Variants in PLEKHA5 observed in about 807,000 individuals in gnomAD.
PLEKHA5 encodes pleckstrin homology domain-containing family A member 5.
A neutral mutation model predicts 181.9 loss-of-function variants in PLEKHA5; 55 were observed. That is an observed-to-expected ratio of 0.30 (90% confidence interval 0.24 to 0.38). The LOEUF is 0.38. Ranked by LOEUF, PLEKHA5 falls within the 10% of genes least tolerant of loss-of-function variation. The probability of loss-of-function intolerance (pLI) is 1.00; values close to 1 mark genes in which losing one functional copy is unlikely to be tolerated. For synonymous variants in PLEKHA5, 535 were observed against 529.4 expected (o/e 1.01, Z -0.15); for missense variants, 1,432 against 1,549.5 (o/e 0.92, Z 1.27).
At chr12:19,217,947 AAT>A (rs1335313648) in intron 3 of PLEKHA5, among the ~76,000 whole-genome samples, 4 of 152,216 alleles carry the variant, frequency 2.6e-5, no homozygotes, top group Admixed American at 6.5e-5. Flanking sequence ...ATCATCCCAA[AAT>A]ACAGTGTTTA....
chr12:19,348,124 A>G (rs1212319196), intron 24 of PLEKHA5, among the ~76,000 whole-genome samples: 1 of 152,018 alleles, frequency 6.6e-6, no homozygotes, highest in Non-Finnish European at 1.5e-5. Flanking sequence ...CTCAGGTGAT[A>G]CACCCACCTT....
intron 3 of PLEKHA5, among the ~76,000 whole-genome samples, chr12:19,251,659 G>A (rs756273689): frequency 2.1e-5 from 3 of 139,632 alleles, no homozygotes; most frequent in Non-Finnish European, 3.0e-5. Context: ...TTCCTTTAAC[G>A]TACAAATCAT....
intron 3 of PLEKHA5, among the ~76,000 whole-genome samples, chr12:19,190,027 G>A (rs980424807): frequency 1.3e-5 from 2 of 151,966 alleles, no homozygotes; most frequent in Non-Finnish European, 2.9e-5. Context: ...TGCTTACAAC[G>A]TGCGCTTCTT....
chr12:19,258,754 C>T (rs1035213759), intron 6 of PLEKHA5, among the ~76,000 whole-genome samples: 28 of 151,816 alleles, frequency 1.8e-4, no homozygotes, highest in African/African-American at 6.0e-4. Flanking sequence ...TTAGTAGAGA[C>T]GGGTTTTCAC....
chr12:19,288,427 CTT>C (rs575383715), intron 13 of PLEKHA5, among the ~76,000 whole-genome samples: 16 of 152,298 alleles, frequency 1.1e-4, no homozygotes, highest in Middle Eastern at 3.4e-3. Flanking sequence ...GAAAAGATGA[CTT>C]TTCCTCACTT....
At chr12:19,368,845 A>AG (rs2095503156) in intron 30 of PLEKHA5, among the ~76,000 whole-genome samples, 1 of 152,098 alleles carries the variant, frequency 6.6e-6, no homozygotes, top group African/African-American at 2.4e-5. Flanking sequence ...TTAAAAAAAA[A>AG]ATTGTCACTG....
intron 5 of PLEKHA5, among the ~76,000 whole-genome samples, chr12:19,255,896 A>G (rs2066752274): frequency 6.6e-6 from 1 of 151,252 alleles, no homozygotes; most frequent in Admixed American, 6.6e-5. Context: ...AAAAAAAAAA[A>G]AAAGAAAAGC....
At chr12:19,187,669 G>C (rs2050167826) in intron 3 of PLEKHA5, among the ~76,000 whole-genome samples, 1 of 152,084 alleles carries the variant, frequency 6.6e-6, no homozygotes. Context: ...AGTGTGGAAG[G>C]GGACCAGAAT....
At chr12:19,242,593 G>A (rs1433488982) in intron 3 of PLEKHA5, among the ~76,000 whole-genome samples, 1 of 152,140 alleles carries the variant, frequency 6.6e-6, no homozygotes, top group Non-Finnish European at 1.5e-5. Context: ...GAGCTTTTAA[G>A]AAAGATAACT....
In PLEKHA5 at chr12:19,269,838, G is replaced by T; in HGVS notation, c.780G>T (p.Met260Ile). The T allele has an allele frequency of 6.2e-7, 1 of 1,610,980 alleles. No homozygotes were observed. ...TDTGKEMELW[M>I]KAMLDAALVQ... Reference sequence around the variant, plus strand: ...CAGGAAAGGAAATGGAGTTGTGGATGAAAGCCATGTTAGATGCTGCCCTAG... The same window carrying T: ...CAGGAAAGGAAATGGAGTTGTGGATTAAAGCCATGTTAGATGCTGCCCTAG... Residue 260 changes from methionine to isoleucine, a missense_variant, in exon 9 of 32, where the codon ATG (methionine) becomes ATT (isoleucine). Transcript: ENST00000429027.
chr12:19,202,710 T>C (rs2054473342), intron 3 of PLEKHA5, among the ~76,000 whole-genome samples: 1 of 152,146 alleles, frequency 6.6e-6, no homozygotes, highest in Non-Finnish European at 1.5e-5. Context: ...GATGTGATAA[T>C]GATAATTGCC....
chr12:19,138,572 CAAAA>C (rs61416754), intron 3 of PLEKHA5, among the ~76,000 whole-genome samples: 2 of 85,748 alleles, frequency 2.3e-5, no homozygotes, highest in Non-Finnish European at 5.1e-5. Context: ...GACTCTGTCT[CAAAA>C]AAAAAAAAAA....
At chr12:19,154,267 T>A (rs895353590) in intron 3 of PLEKHA5, 18 of 152,188 alleles carry the variant, frequency 1.2e-4, no homozygotes, top group African/African-American at 4.3e-4. Context: ...TGTATCTTTT[T>A]AAAATAGTAT....
intron 3 of PLEKHA5, among the ~76,000 whole-genome samples, chr12:19,137,326 CA>C (rs1316800444): frequency 7.9e-5 from 12 of 152,110 alleles, no homozygotes; most frequent in Non-Finnish European, 1.5e-4. Flanking sequence ...CACCCCTGGC[CA>C]AAAACTGTTT....
Position 19,291,398 on chromosome 12 carries a change from A to G in PLEKHA5, c.1984-246A>G, listed in dbSNP as rs554805398. Among the ~76,000 whole-genome samples, 5 of 152,252 alleles carry G rather than the reference A, an allele frequency of 3.3e-5. No homozygotes were observed. In the South Asian group the frequency reaches 1.0e-3, roughly 32 times the overall value. ...CAGTTTGCTAAAGCTATTTTAAGGA[A>G]TTTTTCTGCTTAATAGTTCATTGTT... On this transcript the variant is annotated intron_variant, in intron 14 of 31. Transcript: ENST00000429027.
intron 21 of PLEKHA5, among the ~76,000 whole-genome samples, chr12:19,338,016 G>A (rs2093590387): frequency 6.6e-6 from 1 of 150,558 alleles, no homozygotes; most frequent in Non-Finnish European, 1.5e-5. Context: ...GGGCAACAAG[G>A]GCGAAGCTCC....
chr12:19,178,841 C>T (rs1340772070), intron 3 of PLEKHA5, among the ~76,000 whole-genome samples: 1 of 152,172 alleles, frequency 6.6e-6, no homozygotes, highest in Non-Finnish European at 1.5e-5. Flanking sequence ...AAACAAACAA[C>T]TCTCAAAACA....
In PLEKHA5 at chr12:19,238,946, G is replaced by A. The variant is rs373823526; in HGVS notation, c.228-14994G>A. ...GTGAATAAGGTATGCTTTGAGGAAC[G>A]CTTTCCACCAATACTATAGACTGCT... On this transcript the variant is annotated intron_variant, in intron 3 of 31. Coordinates refer to ENST00000429027, the MANE Select transcript of PLEKHA5 (RefSeq NM_001256470.2). 1.1e-4 allele frequency among the ~76,000 whole-genome samples: 16 copies of A among 152,174 alleles called. No individual in the cohort carries two copies. In the East Asian group the frequency reaches 2.7e-3, roughly 26 times the overall value.
At chr12:19,281,927 A>G (rs1055449858) in intron 11 of PLEKHA5, among the ~76,000 whole-genome samples, 11 of 151,702 alleles carry the variant, frequency 7.3e-5, no homozygotes, top group Admixed American at 5.2e-4. Context: ...GACTACAGGC[A>G]CCTGCCACCA....
Sources: allele counts gnomAD v4.1 joint callset (sites outside exome capture counted in the v4.1 genomes callset), GRCh38; gene constraint gnomAD v4.1.1; transcripts MANE v1.5; gene names NCBI Gene and HGNC (gene_info 2026-07-23, HGNC 2026-07-21).